Variants in IFT122 observed in about 807,000 individuals in gnomAD.
The protein encoded by IFT122 is intraflagellar transport 122.
Under a neutral mutation model 161.6 loss-of-function variants are expected in IFT122, and 118 were observed. That is an observed-to-expected ratio of 0.73 (90% CI 0.63 to 0.85). IFT122 has a LOEUF of 0.85. Among genes scored for constraint, IFT122 ranks in the 40% least tolerant of loss-of-function variants. IFT122 has a pLI of 0.00. For missense variants in IFT122, 1,381 were observed against 1,579.6 expected, an observed-to-expected ratio of 0.87 and a Z score of 2.13; for synonymous variants, 550 against 602.4, an observed-to-expected ratio of 0.91 and a Z score of 1.27.
intron 16 of IFT122, 108 bp from the exon 17 acceptor site, chr3:129,492,030 TCTC>T (rs532927169): frequency 4.1e-5 from 34 of 829,612 alleles, no homozygotes; most frequent in Middle Eastern, 2.2e-4. Flanking sequence ...GCTCCCTTCC[TCTC>T]CTCTGTGGCT....
chr3:129,456,760 C>T (rs2075542255), intron 3 of IFT122, among the ~76,000 whole-genome samples: 1 of 151,220 alleles, frequency 6.6e-6, no homozygotes, highest in African/African-American at 2.4e-5. Flanking sequence ...ACTAAAAATA[C>T]AAAAAATTAG....
intron 15 of IFT122, among the ~76,000 whole-genome samples, chr3:129,485,919 G>A (rs1246140676): frequency 6.6e-6 from 1 of 152,264 alleles, no homozygotes; most frequent in Non-Finnish European, 1.5e-5. Flanking sequence ...GGCCCAGAGA[G>A]GAGGGAGAAA....
At position 129,487,872 on chromosome 3, in the gene IFT122, T is replaced by A. The variant is rs1559938780; in HGVS notation, c.1852-385T>A. 1.2e-5 allele frequency: 4 copies of A among 344,058 alleles called. No individual in the cohort carries two copies. The East Asian group carries it at 3.0e-4, about 26-fold the overall frequency. 21.3% of individuals were successfully genotyped at this position (344,058 alleles called of 1,614,324 possible). A position where few individuals can be genotyped will look rare whatever the true frequency, so the allele number is the denominator to read the frequency against. On this transcript the variant is annotated intron_variant, in intron 15 of 29. Coordinates refer to ENST00000348417, the MANE Select transcript of IFT122 (RefSeq NM_052989.3). ...CCCCTGGGGTGGGGGCTTGAGGGGC[T>A]TGGGAGGACTCTGCAGAAGAGGTGA...
chr3:129,459,916 G>C (rs946512119), intron 4 of IFT122, among the ~76,000 whole-genome samples: 3 of 151,558 alleles, frequency 2.0e-5, no homozygotes, highest in African/African-American at 7.3e-5. Context: ...CCCACACCAG[G>C]CCAATTTTTA....
intron 26 of IFT122, 71 bp downstream of exon 26, chr3:129,515,670 G>C: frequency 1.4e-6 from 2 of 1,396,364 alleles, no homozygotes; most frequent in East Asian, 2.3e-5. Context: ...ACTGCTCTCT[G>C]GCCTCAGGAC....
chr3:129,472,252 C>G (rs990556374), intron 9 of IFT122, among the ~76,000 whole-genome samples: 1 of 152,030 alleles, frequency 6.6e-6, no homozygotes, highest in African/African-American at 2.4e-5. Flanking sequence ...CCCCTGGGCT[C>G]AAGGAATCTT....
At chr3:129,457,360 T>G (rs2075632603) in intron 3 of IFT122, among the ~76,000 whole-genome samples, 2 of 152,232 alleles carry the variant, frequency 1.3e-5, no homozygotes. Flanking sequence ...GAGCAAGGCC[T>G]CTGCTGTGTC....
chr3:129,513,989 A>T, intron 24 of IFT122: 1 of 360,792 alleles, frequency 2.8e-6, no homozygotes. Context: ...GTGGCTCCCC[A>T]GGGAGTCTGG....
rs60031306 is a variant in IFT122 at position 129,467,298 on chromosome 3, CT to C, written c.740+236del. Among the ~76,000 whole-genome samples the C allele has an allele frequency of 0.13, 20,187 of 152,248 alleles. 1,711 individuals carry two copies. The highest frequency in any genetic ancestry group is 0.24 in the South Asian group (1,164 of 4,832). ...GAAAAGACTAAAGGAGAAAGTTCAA[CT>C]TTTCTGATAAAACCCCATCCCCTGA... On this transcript the variant is annotated intron_variant, in intron 8 of 29. Coordinates refer to ENST00000348417, the MANE Select transcript of IFT122 (RefSeq NM_052989.3).
Position 129,451,898 on chromosome 3 carries a change from T to A in IFT122, c.109-16T>A, listed in dbSNP as rs1005443409. ...TAGATATCACATAGATAATCTGTATTTGTCTCTTTTGCCAGGTTTATGACA... is the reference window on the plus strand; with the variant it reads ...TAGATATCACATAGATAATCTGTATATGTCTCTTTTGCCAGGTTTATGACA... On this transcript the variant is annotated splice_polypyrimidine_tract_variant and intron_variant, in intron 2 of 29. Coordinates refer to ENST00000348417, the MANE Select transcript of IFT122 (RefSeq NM_052989.3). 1.9e-6 allele frequency: 3 copies of A among 1,602,622 alleles called. No homozygotes were observed. In the African/African-American group the frequency reaches 4.0e-5, roughly 21 times the overall value.
intron 18 of IFT122, among the ~76,000 whole-genome samples, chr3:129,496,237 G>A (rs2080828024): frequency 6.6e-6 from 1 of 152,056 alleles, no homozygotes; most frequent in Non-Finnish European, 1.5e-5. Context: ...GCAGAGCTGG[G>A]CCTTTTAAGG....
At chr3:129,502,656 C>T in intron 19 of IFT122, 55 bp from the exon 20 acceptor site, 1 of 1,588,216 alleles carries the variant, frequency 6.3e-7, no homozygotes, top group Non-Finnish European at 8.6e-7. Flanking sequence ...GGACATACGG[C>T]TTGCCGTTGA....
chr3:129,470,043 T>G (rs2077201292), intron 9 of IFT122, among the ~76,000 whole-genome samples: 1 of 152,054 alleles, frequency 6.6e-6, no homozygotes. Flanking sequence ...AGAGGTTATC[T>G]TTGAGCAGGC....
chr3:129,496,025 C>T (rs754081292), intron 18 of IFT122, among the ~76,000 whole-genome samples: 4 of 152,254 alleles, frequency 2.6e-5, no homozygotes, highest in Non-Finnish European at 2.9e-5. Flanking sequence ...TGGTGCCTGC[C>T]AGCCAAGTTT....
chr3:129,478,716 G>A (rs1490237534), intron 12 of IFT122, among the ~76,000 whole-genome samples: 4 of 152,078 alleles, frequency 2.6e-5, no homozygotes, highest in African/African-American at 9.7e-5. Flanking sequence ...TAAAGTACTG[G>A]GATTATAGGT....
intron 3 of IFT122, among the ~76,000 whole-genome samples, chr3:129,452,866 C>A (rs1333472620): frequency 6.6e-6 from 1 of 152,012 alleles, no homozygotes; most frequent in African/African-American, 2.4e-5. Context: ...TGGCTCAGAC[C>A]TCTGTGGGGG....
At chr3:129,451,872 A>G (rs749684678) in intron 2 of IFT122, 42 bp from the exon 3 acceptor site, 4 of 1,502,026 alleles carry the variant, frequency 2.7e-6, no homozygotes, top group Non-Finnish European at 3.7e-6. Flanking sequence ...ATTCTGACTA[A>G]TAGATATCAC....
chr3:129,466,789 C>A, intron 7 of IFT122, 101 bp from the exon 8 acceptor site: 1 of 1,122,594 alleles, frequency 8.9e-7, no homozygotes, highest in Non-Finnish European at 1.4e-6. Flanking sequence ...AGGCGTGAGT[C>A]ACTGCACCTG....
At chr3:129,453,398 A>C (rs2075086900) in intron 3 of IFT122, among the ~76,000 whole-genome samples, 1 of 152,154 alleles carries the variant, frequency 6.6e-6, no homozygotes, top group Non-Finnish European at 1.5e-5. Context: ...ACTGCCTCAG[A>C]GAATGGGACA....
Sources: gnomAD v4.1 joint callset for allele counts (sites outside exome capture counted in the v4.1 genomes callset) on GRCh38, gnomAD v4.1.1 for gene constraint, MANE v1.5 for transcripts, NCBI Gene and HGNC (gene_info 2026-07-23, HGNC 2026-07-21) for gene names.